BPTF: variants seen among roughly 807,000 people sequenced by gnomAD.
BPTF encodes nucleosome-remodeling factor subunit BPTF.
A neutral mutation model predicts 292.5 loss-of-function variants in BPTF; 18 were observed. The ratio of observed to expected loss-of-function variants is 0.06; its 90% CI spans 0.04 to 0.09. The LOEUF (loss-of-function observed/expected upper bound fraction) is 0.09, where lower values mean the gene tolerates loss of function less well. BPTF is among the 10% of genes least tolerant of loss of function. The pLI is 1.00. For synonymous variants in BPTF, 1,225 were observed against 1,251.9 expected (o/e 0.98, Z 0.45); for missense variants, 2,726 against 3,498.7 (o/e 0.78, Z 5.57).
chr17:67,982,572 CA>C lies in BPTF; in HGVS notation c.*286del. 3.3e-6 allele frequency: 1 copy of C among 304,882 alleles called. No individual in the cohort carries two copies. Among genetic ancestry groups the C allele is most frequent in the East Asian group, 5.3e-5 (1 of 18,912 alleles). 18.9% of individuals were successfully genotyped at this position (304,882 alleles called of 1,614,324 possible). On this transcript the variant is annotated 3_prime_UTR_variant, in exon 28 of 28. Coordinates refer to ENST00000306378, the MANE Select transcript of BPTF (RefSeq NM_182641.4). ...TATTGAAAAAAAAAGAAAAAGAAAG[CA>C]AGAAAAAAAGATACTATGGGGTCAA... is the stretch of plus-strand genomic sequence containing the variant.
In BPTF at chr17:67,829,586, G is replaced by GT. The variant is rs563281834; in HGVS notation, c.613+3255dup. Among the ~76,000 whole-genome samples, 314 of 152,136 alleles carry GT rather than the reference G, an allele frequency of 2.1e-3. 2 individuals carry two copies. The highest frequency in any genetic ancestry group is 7.3e-3 in the African/African-American group (302 of 41,508). On this transcript the variant is annotated intron_variant, in intron 1 of 27. Transcript: ENST00000306378. ...ATTAGGCTAAGTACCAGTTTCATTG[G>GT]TTTTTTAGTCTGTACTTCCTGGAGG...
intron 23 of BPTF, among the ~76,000 whole-genome samples, chr17:67,950,212 A>G (rs1480643349): frequency 6.6e-6 from 1 of 151,916 alleles, no homozygotes; most frequent in African/African-American, 2.4e-5. Flanking sequence ...AGTGATGCGA[A>G]ATCATGCCAT....
At chr17:67,838,230 G>T (rs1211834525) in intron 1 of BPTF, among the ~76,000 whole-genome samples, 2 of 152,210 alleles carry the variant, frequency 1.3e-5, no homozygotes, top group Non-Finnish European at 2.9e-5. Flanking sequence ...ACAGGCTGTG[G>T]CTGGCCATAG....
In BPTF at chr17:67,825,964, G is replaced by A. The variant is rs1380707980; in HGVS notation, c.240G>A (p.Pro80=). The change falls in exon 1 of 28, where the codon CCG becomes CCA. Residue 80 remains proline (P), a synonymous_variant. Transcript: ENST00000306378. The stretch of plus-strand genomic sequence containing the variant: ...GTAGCCGGAGGAAGCCGCCGCCGCC[G>A]CCGCCGGCCCCCCCCAGCACCAGCG... The part of the protein sequence containing the change: ...GSSSRRKPPP[P]PPAPPSTSAP... 2.0e-6 allele frequency: 2 copies of A among 1,019,114 alleles called. No homozygotes were observed. Among genetic ancestry groups the A allele is most frequent in the Non-Finnish European group, 1.2e-6 (1 of 854,018 alleles). 63.1% of individuals were successfully genotyped at this position (1,019,114 alleles called of 1,614,324 possible). A position where few individuals can be genotyped will look rare whatever the true frequency, so the allele number is the denominator to read the frequency against.
intron 24 of BPTF, among the ~76,000 whole-genome samples, chr17:67,963,995 A>G (rs2067762702): frequency 6.6e-6 from 1 of 152,214 alleles, no homozygotes; most frequent in East Asian, 1.9e-4. Flanking sequence ...TTGGTTCTCC[A>G]GTATTACACA....
intron 1 of BPTF, among the ~76,000 whole-genome samples, chr17:67,836,413 A>G (rs2057136537): frequency 6.6e-6 from 1 of 152,170 alleles, no homozygotes; most frequent in South Asian, 2.1e-4. Context: ...TGTGTATAGT[A>G]TATAGTATAT....
chr17:67,855,798 C>T (rs963741359), intron 2 of BPTF, among the ~76,000 whole-genome samples: 28 of 152,186 alleles, frequency 1.8e-4, no homozygotes, highest in African/African-American at 6.5e-4. Context: ...ATGAAAAAAT[C>T]TGGTAGGATG....
At chr17:67,880,165 C>T (rs1334970499) in intron 4 of BPTF, among the ~76,000 whole-genome samples, 8 of 151,892 alleles carry the variant, frequency 5.3e-5, no homozygotes, top group South Asian at 2.1e-4. Context: ...TCTGGAAATT[C>T]GTTACCTGCC....
At chr17:67,899,576 G>T (rs1329002706) in intron 7 of BPTF, among the ~76,000 whole-genome samples, 1 of 150,050 alleles carries the variant, frequency 6.7e-6, no homozygotes, top group Non-Finnish European at 1.5e-5. Context: ...TGTCGCTCAG[G>T]CTGGAGTGCA....
chr17:67,972,769 A>G (rs1349058124), intron 26 of BPTF, among the ~76,000 whole-genome samples: 1 of 151,926 alleles, frequency 6.6e-6, no homozygotes, highest in Non-Finnish European at 1.5e-5. Context: ...ATGTCCAAGC[A>G]TTATTCACAT....
intron 1 of BPTF, among the ~76,000 whole-genome samples, chr17:67,829,064 T>C (rs536206250): frequency 2.8e-4 from 42 of 152,320 alleles, no homozygotes; most frequent in African/African-American, 9.9e-4. Flanking sequence ...CTAAATACTT[T>C]GGATTTAGGA....
intron 27 of BPTF, among the ~76,000 whole-genome samples, chr17:67,976,274 C>T (rs2069402371): frequency 6.6e-6 from 1 of 152,066 alleles, no homozygotes; most frequent in Admixed American, 6.5e-5. Context: ...GGAGTTCGAG[C>T]CCAGACTGGC....
At chr17:67,833,611 C>T (rs1473029463) in intron 1 of BPTF, among the ~76,000 whole-genome samples, 2 of 151,374 alleles carry the variant, frequency 1.3e-5, no homozygotes, top group African/African-American at 2.4e-5. Context: ...TCTTGTCGCC[C>T]AGGCTGGAGT....
At chr17:67,859,879 C>T (rs2058970778) in intron 2 of BPTF, among the ~76,000 whole-genome samples, 1 of 152,100 alleles carries the variant, frequency 6.6e-6, no homozygotes, top group African/African-American at 2.4e-5. Flanking sequence ...ATATACTATT[C>T]GATAATTACA....
At chr17:67,851,290 T>A (rs369433491) in intron 1 of BPTF, among the ~76,000 whole-genome samples, 7 of 148,790 alleles carry the variant, frequency 4.7e-5, no homozygotes, top group African/African-American at 7.7e-5. Context: ...TTTTTTTTTT[T>A]AATAACCACC....
At chr17:67,866,760 T>A in intron 3 of BPTF, 73 bp downstream of exon 3, 1 of 1,237,374 alleles carries the variant, frequency 8.1e-7, no homozygotes. Context: ...CACTGCAAAA[T>A]TTGAAAATAG....
At chr17:67,895,647 G>A (rs1327877215) in intron 7 of BPTF, among the ~76,000 whole-genome samples, 2 of 151,790 alleles carry the variant, frequency 1.3e-5, no homozygotes, top group Non-Finnish European at 2.9e-5. Context: ...ATTTTTTATA[G>A]ACACGGGGTC....
intron 19 of BPTF, 69 bp from the exon 20 acceptor site, chr17:67,944,080 AT>A: frequency 8.8e-7 from 1 of 1,131,474 alleles, no homozygotes; most frequent in Non-Finnish European, 1.3e-6. Flanking sequence ...CATAAAAATG[AT>A]TTAATAAAAA....
At chr17:67,937,181 C>T (rs1282969398) in intron 18 of BPTF, among the ~76,000 whole-genome samples, 2 of 152,032 alleles carry the variant, frequency 1.3e-5, no homozygotes, top group Non-Finnish European at 2.9e-5. Context: ...ACTGGCCGGG[C>T]GCGATAGCTC....
Sources: gnomAD v4.1 joint callset for allele counts (sites outside exome capture counted in the v4.1 genomes callset) on GRCh38, gnomAD v4.1.1 for gene constraint, MANE v1.5 for transcripts, NCBI Gene and HGNC (gene_info 2026-07-23, HGNC 2026-07-21) for gene names.